ACTA2: variants seen among roughly 807,000 people sequenced by gnomAD.
ACTA2 encodes the protein actin alpha 2, smooth muscle.
A neutral mutation model predicts 39.5 loss-of-function variants in ACTA2; 12 were observed. That is an observed-to-expected ratio of 0.30 (90% CI 0.19 to 0.49). ACTA2 has a LOEUF of 0.49. ACTA2 is among the 20% of genes least tolerant of loss of function. ACTA2 has a pLI of 0.99. For synonymous variants in ACTA2, 158 were observed against 180.6 expected, an observed-to-expected ratio of 0.88 and a Z score of 1.00; for missense variants, 236 against 498.8, an observed-to-expected ratio of 0.47 and a Z score of 5.02.
chr10:88,951,678 A>G (rs749530461), intron 1 of ACTA2, among the ~76,000 whole-genome samples: 3 of 152,134 alleles, frequency 2.0e-5, no homozygotes, highest in Non-Finnish European at 4.4e-5. Flanking sequence ...TAGGTAAAAC[A>G]CGCTCGAGTG....
At chr10:88,964,680 C>A (rs1846290403) in intron 1 of ACTA2, among the ~76,000 whole-genome samples, 1 of 152,064 alleles carries the variant, frequency 6.6e-6, no homozygotes, top group African/African-American at 2.4e-5. Context: ...TGCTTTCAAC[C>A]CAAAATAATC....
At chr10:88,983,626 AAAAAAAAAAAAAACAC>A (rs1425062947) in intron 1 of ACTA2, among the ~76,000 whole-genome samples, 2 of 147,456 alleles carry the variant, frequency 1.4e-5, no homozygotes, top group Non-Finnish European at 3.0e-5. Context: ...AAAAAAAAAA[AAAAAAAAAAAAAACAC>A]ACACACACAC....
chr10:88,943,044 A>T (rs751159563), intron 4 of ACTA2, among the ~76,000 whole-genome samples: 1 of 152,258 alleles, frequency 6.6e-6, no homozygotes, highest in Non-Finnish European at 1.5e-5. Flanking sequence ...TGTAGTCAAT[A>T]TAATCATAGT....
rs1415888089 is a variant in ACTA2 at position 88,938,110 on chromosome 10, C to T, written c.941G>A (p.Arg314Gln). ...GTTMYPGIAD[R>Q]MQKEITALAP... ...TAGGGCCGTGATCTCCTTCTGCATTCGGTCGGCAATGCCAGGGTACATAGT... is the reference window on the plus strand; with the variant it reads ...TAGGGCCGTGATCTCCTTCTGCATTTGGTCGGCAATGCCAGGGTACATAGT... Residue 314 changes from arginine (R) to glutamine (Q), a missense_variant, in exon 8 of 9, where the codon CGA becomes CAA. Coordinates refer to ENST00000224784, the MANE Select transcript of ACTA2 (RefSeq NM_001613.4). 1 of 1,613,986 alleles carries T rather than the reference C, an allele frequency of 6.2e-7. No homozygotes were observed. Among genetic ancestry groups the T allele is most frequent in the Non-Finnish European group, 8.5e-7 (1 of 1,179,930 alleles).
chr10:88,941,407 C>T lies in ACTA2; in HGVS notation c.455-17G>A, dbSNP rs3816245. 8.4e-3 allele frequency: 13,581 copies of T among 1,613,720 alleles called. 397 individuals are homozygous for T. The East Asian group carries it at 0.12, about 14-fold the overall frequency. Reference sequence around the variant, plus strand: ...GCACGATGCCTGGGAGACAATTGGGCGTGATAAGTCACCATGGCAGCTGGC... The same window carrying T: ...GCACGATGCCTGGGAGACAATTGGGTGTGATAAGTCACCATGGCAGCTGGC... On this transcript the variant is annotated splice_polypyrimidine_tract_variant and intron_variant, in intron 5 of 8. Coordinates refer to ENST00000224784, the MANE Select transcript of ACTA2 (RefSeq NM_001613.4).
At chr10:88,947,712 A>T (rs1458082789) in intron 2 of ACTA2, among the ~76,000 whole-genome samples, 3 of 152,212 alleles carry the variant, frequency 2.0e-5, no homozygotes, top group Non-Finnish European at 4.4e-5. Flanking sequence ...ATTGCATGGC[A>T]CATATGTGGC....
At chr10:88,944,295 T>C (rs1483873655) in intron 3 of ACTA2, among the ~76,000 whole-genome samples, 5 of 152,154 alleles carry the variant, frequency 3.3e-5, no homozygotes, top group African/African-American at 1.2e-4. Flanking sequence ...ATGAAAATAA[T>C]TAGTGTGTAC....
At chr10:88,938,843 G>A (rs1355240497) in intron 7 of ACTA2, among the ~76,000 whole-genome samples, 4 of 147,572 alleles carry the variant, frequency 2.7e-5, no homozygotes, top group East Asian at 2.0e-4. Context: ...TAATGATAAC[G>A]TTAACAATAG....
intron 1 of ACTA2, among the ~76,000 whole-genome samples, chr10:88,985,877 G>T (rs745321646): frequency 6.6e-6 from 1 of 152,202 alleles, no homozygotes; most frequent in Non-Finnish European, 1.5e-5. Flanking sequence ...CTTTCCAGAA[G>T]TATAATGCCC....
chr10:88,968,884 G>A (rs1402917444), intron 1 of ACTA2, among the ~76,000 whole-genome samples: 1 of 152,070 alleles, frequency 6.6e-6, no homozygotes, highest in Admixed American at 6.6e-5. Flanking sequence ...TAGATGTGGA[G>A]GATCTAGAAT....
intron 1 of ACTA2, among the ~76,000 whole-genome samples, chr10:88,962,658 A>T (rs1356827791): frequency 1.3e-5 from 2 of 152,098 alleles, no homozygotes; most frequent in Non-Finnish European, 2.9e-5. Context: ...CAGTGTCTAA[A>T]ATAAAAAGAA....
chr10:88,967,544 G>A (rs933403865), intron 1 of ACTA2, among the ~76,000 whole-genome samples: 1 of 152,164 alleles, frequency 6.6e-6, no homozygotes, highest in South Asian at 2.1e-4. Flanking sequence ...TGCATTTTAT[G>A]ACAATCCACG....
intron 3 of ACTA2, among the ~76,000 whole-genome samples, chr10:88,946,471 C>T (rs1307062012): frequency 1.3e-5 from 2 of 151,924 alleles, no homozygotes; most frequent in African/African-American, 2.4e-5. Flanking sequence ...TGGCCCACTG[C>T]AGCCTCCATA....
In ACTA2 at chr10:88,943,830, C is replaced by A; in HGVS notation, c.336G>T (p.Leu112=). The change falls in exon 4 of 9, where the codon CTG becomes CTT. Residue 112 remains leucine, a synonymous_variant. Coordinates refer to ENST00000224784, the MANE Select transcript of ACTA2 (RefSeq NM_001613.4). ...EHPTLLTEAP[L]NPKANREKMT... Reference sequence around the variant, plus strand: ...TTTTCTCCCGGTTGGCCTTGGGGTTCAGGGGTGCCTCCGTGAGCAGGGTGG... The same window carrying A: ...TTTTCTCCCGGTTGGCCTTGGGGTTAAGGGGTGCCTCCGTGAGCAGGGTGG... The A allele has an allele frequency of 1.2e-6, 2 of 1,614,006 alleles. No homozygotes were observed. Among genetic ancestry groups the A allele is most frequent in the Non-Finnish European group, 8.5e-7 (1 of 1,179,924 alleles).
intron 3 of ACTA2, among the ~76,000 whole-genome samples, chr10:88,944,494 G>A (rs1304134168): frequency 2.6e-5 from 4 of 152,190 alleles, no homozygotes; most frequent in African/African-American, 7.2e-5. Context: ...ATGAATAAAT[G>A]ACGCTTACTT....
At chr10:88,963,566 T>A (rs1846271954) in intron 1 of ACTA2, among the ~76,000 whole-genome samples, 1 of 152,132 alleles carries the variant, frequency 6.6e-6, no homozygotes, top group African/African-American at 2.4e-5. Flanking sequence ...CAGCAATGCT[T>A]ACCAATGCTC....
chr10:88,952,083 T>C (rs1465822321), intron 1 of ACTA2, among the ~76,000 whole-genome samples: 1 of 152,126 alleles, frequency 6.6e-6, no homozygotes, highest in Non-Finnish European at 1.5e-5. Context: ...ATTCAGCAGG[T>C]CACCTGCTGC....
intron 1 of ACTA2, among the ~76,000 whole-genome samples, chr10:88,987,093 G>A (rs1846920277): frequency 6.6e-6 from 1 of 152,078 alleles, no homozygotes; most frequent in African/African-American, 2.4e-5. Flanking sequence ...CTATTAATTG[G>A]TAGAAATAAT....
In ACTA2 at chr10:88,939,442, A is replaced by G. The variant is rs757845780; in HGVS notation, c.808+65T>C. ...ACCGTCACTTGTCTCCATGTTCTGG[A>G]GGCTGGCTTGATATGGAAGAAGACA... On this transcript the variant is annotated intron_variant, in intron 7 of 8. Transcript: ENST00000224784. 2.2e-4 allele frequency: 348 copies of G among 1,601,608 alleles called. 3 individuals are homozygous for G. Among genetic ancestry groups the G allele is most frequent in the Non-Finnish European group, 1.2e-4 (138 of 1,170,960 alleles).
Sources: allele counts gnomAD v4.1 joint callset (sites outside exome capture counted in the v4.1 genomes callset), GRCh38; gene constraint gnomAD v4.1.1; transcripts MANE v1.5; gene names NCBI Gene and HGNC (gene_info 2026-07-23, HGNC 2026-07-21).